Variants in WIPF2 observed in about 807,000 individuals in gnomAD.
The protein encoded by WIPF2 is WAS/WASL interacting protein family member 2.
WIPF2 carries 23 observed loss-of-function variants against 38.8 expected under a neutral mutation model. The observed-to-expected ratio is 0.59, with a 90% CI of 0.43 to 0.84. WIPF2 has a LOEUF of 0.84. Among genes scored for constraint, WIPF2 ranks in the 40% least tolerant of loss-of-function variants. The pLI, the probability that WIPF2 is intolerant of heterozygous loss-of-function variation, is 0.00. For missense variants in WIPF2, 574 were observed against 580.5 expected (o/e 0.99, Z 0.11); for synonymous variants, 210 against 223.2 (o/e 0.94, Z 0.53).
Position 40,254,318 on chromosome 17 carries a change from C to T in WIPF2, c.-69-2073C>T, listed in dbSNP as rs543686149. 2.0e-5 allele frequency among the ~76,000 whole-genome samples: 3 copies of T among 152,150 alleles called. No individual in the cohort carries two copies. The South Asian group carries it at 6.2e-4, about 32-fold the overall frequency. ...AGGCATGAGCCACCATGCCTGGCCT[C>T]CTAATCTTATTAATAACCTTGCTTA... On this transcript the variant is annotated intron_variant, in intron 1 of 7. Coordinates refer to ENST00000323571, the MANE Select transcript of WIPF2 (RefSeq NM_133264.5).
intron 5 of WIPF2, among the ~76,000 whole-genome samples, chr17:40,265,847 C>A (rs1220793051): frequency 6.6e-6 from 1 of 152,134 alleles, no homozygotes; most frequent in African/African-American, 2.4e-5. Context: ...TGAGAACAGA[C>A]CGCAGGAGGA....
chr17:40,232,179 A>ATTTTTTTTTTTTTTTTTTTTTT (rs752876006), intron 1 of WIPF2, among the ~76,000 whole-genome samples: 7 of 76,052 alleles, frequency 9.2e-5, no homozygotes, highest in Admixed American at 1.4e-4. Flanking sequence ...TGCCTGGCTA[A>ATTTTTTTTTTTTTTTTTTTTTT]TTTTTTTTTT....
At chr17:40,231,555 C>T (rs1390370420) in intron 1 of WIPF2, among the ~76,000 whole-genome samples, 5 of 151,624 alleles carry the variant, frequency 3.3e-5, no homozygotes, top group African/African-American at 1.2e-4. Flanking sequence ...CTCTGAGTAG[C>T]TGGGATTACA....
chr17:40,240,140 C>A (rs2031135868), intron 1 of WIPF2, among the ~76,000 whole-genome samples: 1 of 151,958 alleles, frequency 6.6e-6, no homozygotes, highest in South Asian at 2.1e-4. Flanking sequence ...CAGCTCACTG[C>A]AACCTCCACC....
chr17:40,274,378 A>G (rs917661535), intron 6 of WIPF2, among the ~76,000 whole-genome samples: 1 of 151,884 alleles, frequency 6.6e-6, no homozygotes, highest in African/African-American at 2.4e-5. Context: ...CTCTTCAAAA[A>G]CAAAACACTT....
At chr17:40,268,448 A>G (rs1034009252) in intron 5 of WIPF2, among the ~76,000 whole-genome samples, 1 of 152,164 alleles carries the variant, frequency 6.6e-6, no homozygotes, top group Non-Finnish European at 1.5e-5. Flanking sequence ...GACCTCATCC[A>G]GGAATAGAAG....
chr17:40,259,549 C>T (rs891548998), intron 2 of WIPF2, among the ~76,000 whole-genome samples: 2 of 151,836 alleles, frequency 1.3e-5, no homozygotes, highest in South Asian at 2.1e-4. Flanking sequence ...AATGATGTGA[C>T]GTTAACTGTC....
At position 40,223,587 on chromosome 17, in the gene WIPF2, AT is replaced by A. The variant is rs200826572; in HGVS notation, c.-70+4104del. Among the ~76,000 whole-genome samples, 13 of 143,782 alleles carry A rather than the reference AT, an allele frequency of 9.0e-5. 1 individual carries two copies. The highest frequency in any genetic ancestry group is 4.2e-4 in the East Asian group (2 of 4,796). The allele number at this position is 143,782 out of a possible 152,430, so 94.3% of individuals were successfully genotyped here. A position where few individuals can be genotyped will look rare whatever the true frequency, so the allele number is the denominator to read the frequency against. On this transcript the variant is annotated intron_variant, in intron 1 of 7. Coordinates refer to ENST00000323571, the MANE Select transcript of WIPF2 (RefSeq NM_133264.5). Reference sequence around the variant, plus strand: ...GAAGTCTTGTTCTGTTGAAGAGAAAATTTTTTTTTGGGTTTTTTTTTTTTTT... The same window carrying A: ...GAAGTCTTGTTCTGTTGAAGAGAAAATTTTTTTTGGGTTTTTTTTTTTTTT...
intron 2 of WIPF2, among the ~76,000 whole-genome samples, 153 bp from the exon 3 acceptor site, chr17:40,260,382 T>C (rs999284220): frequency 6.6e-6 from 1 of 151,860 alleles, no homozygotes; most frequent in African/African-American, 2.4e-5. Flanking sequence ...AGATGGGGTT[T>C]CACCATGTTG....
At chr17:40,253,142 A>G (rs1197094887) in intron 1 of WIPF2, among the ~76,000 whole-genome samples, 1 of 143,704 alleles carries the variant, frequency 7.0e-6, no homozygotes, top group Non-Finnish European at 1.5e-5. Flanking sequence ...GGCTTACTGC[A>G]AGCTCCGTCT....
intron 6 of WIPF2, among the ~76,000 whole-genome samples, chr17:40,275,558 TA>T (rs1326684888): frequency 1.4e-4 from 21 of 150,192 alleles, no homozygotes; most frequent in African/African-American, 4.9e-4. Flanking sequence ...CTTGCAACCC[TA>T]ACACTCTAGA....
chr17:40,245,848 G>T (rs1037304877), intron 1 of WIPF2, among the ~76,000 whole-genome samples: 1 of 152,050 alleles, frequency 6.6e-6, no homozygotes, highest in Non-Finnish European at 1.5e-5. Context: ...GCACTCAGTG[G>T]GTGCTTCAAT....
rs2031524399 is a variant in WIPF2, at chr17:40,250,486, T to G, written c.-69-5905T>G. Among the ~76,000 whole-genome samples the G allele has an allele frequency of 2.0e-5, 3 of 151,640 alleles. No homozygotes were observed. In the South Asian group the frequency reaches 6.3e-4, roughly 32 times the overall value. ...AGATGGTCTCTATCTCCTGACCTTGTGATCCGCCCACCTCGGCCTCCCAAA... is the reference window on the plus strand; with the variant it reads ...AGATGGTCTCTATCTCCTGACCTTGGGATCCGCCCACCTCGGCCTCCCAAA... On this transcript the variant is annotated intron_variant, in intron 1 of 7. Transcript: ENST00000323571.
At chr17:40,265,213 T>C (rs1041096170) in intron 5 of WIPF2, 67 bp downstream of exon 5, 76 of 1,503,922 alleles carry the variant, frequency 5.1e-5, no homozygotes, top group Non-Finnish European at 6.5e-5. Flanking sequence ...CCCAGAGCAC[T>C]CCTTGAAGAC....
chr17:40,262,666 G>C (rs754281859), intron 4 of WIPF2, 25 bp downstream of exon 4: 3 of 1,587,672 alleles, frequency 1.9e-6, no homozygotes, highest in Non-Finnish European at 2.6e-6. Flanking sequence ...CTTTCCCAGG[G>C]TATTTCCCTG....
intron 7 of WIPF2, 93 bp from the exon 8 acceptor site, chr17:40,278,092 A>G: frequency 7.0e-7 from 1 of 1,425,974 alleles, no homozygotes; most frequent in African/African-American, 1.4e-5. Context: ...AGGTTAGCTT[A>G]AAGAGCCTGT....
chr17:40,266,602 G>A (rs561685412), intron 5 of WIPF2, among the ~76,000 whole-genome samples: 2 of 152,252 alleles, frequency 1.3e-5, no homozygotes, highest in East Asian at 1.9e-4. Context: ...TAAAGAGTTC[G>A]CTGTAAAGTC....
intron 7 of WIPF2, among the ~76,000 whole-genome samples, chr17:40,277,408 G>A (rs149654579): frequency 5.3e-5 from 8 of 152,178 alleles, no homozygotes; most frequent in East Asian, 1.9e-4. Flanking sequence ...TAGGCTGGGC[G>A]CGGTGGCTTA....
At position 40,273,786 on chromosome 17, in the gene WIPF2, G is replaced by A. The variant is rs1258124219; in HGVS notation, c.971-4G>A. ...AACCTAACTACTTTGGATTTTAATT[G>A]CAGCTCCTCCACCCCCACCACCTGT... On this transcript the variant is annotated splice_region_variant and splice_polypyrimidine_tract_variant and intron_variant, in intron 5 of 7. Coordinates refer to ENST00000323571, the MANE Select transcript of WIPF2 (RefSeq NM_133264.5). 1.2e-6 allele frequency: 2 copies of A among 1,601,970 alleles called. No homozygotes were observed. The highest frequency in any genetic ancestry group is 2.2e-5 in the South Asian group (2 of 90,798).
Sources: gnomAD v4.1 joint callset for allele counts (sites outside exome capture counted in the v4.1 genomes callset) on GRCh38, gnomAD v4.1.1 for gene constraint, MANE v1.5 for transcripts, NCBI Gene and HGNC (gene_info 2026-07-23, HGNC 2026-07-21) for gene names.